PPP1R13B: variants seen among roughly 807,000 people sequenced by gnomAD.
The protein encoded by PPP1R13B is apoptosis-stimulating of p53 protein 1.
Under a neutral mutation model 119.8 loss-of-function variants are expected in PPP1R13B, and 44 were observed. The ratio of observed to expected loss-of-function variants is 0.37; its 90% CI spans 0.29 to 0.47. The LOEUF is 0.47. Among genes scored for constraint, PPP1R13B ranks in the 20% least tolerant of loss-of-function variants. PPP1R13B has a pLI of 0.99. For synonymous variants in PPP1R13B, 542 were observed against 561.5 expected, an observed-to-expected ratio of 0.97 and a Z score of 0.49; for missense variants, 1,227 against 1,413.5, an observed-to-expected ratio of 0.87 and a Z score of 2.12.
chr14:103,767,727 C>T lies in PPP1R13B; in HGVS notation c.355-9976G>A, dbSNP rs556816041. On this transcript the variant is annotated intron_variant, in intron 4 of 16. Coordinates refer to ENST00000202556, the MANE Select transcript of PPP1R13B (RefSeq NM_015316.3). Reference sequence around the variant, plus strand: ...TCAGTGTCTCCTCCCCCTTGCCTGTCCCTACACTTCATGCTGCACAGTCCT... The same window carrying T: ...TCAGTGTCTCCTCCCCCTTGCCTGTTCCTACACTTCATGCTGCACAGTCCT... Among the ~76,000 whole-genome samples the T allele has an allele frequency of 2.6e-5, 4 of 152,280 alleles. 1 individual carries two copies. Among genetic ancestry groups the T allele is most frequent in the African/African-American group, 9.6e-5 (4 of 41,558 alleles).
In PPP1R13B at chr14:103,742,536, G is replaced by C. The variant is rs964191922; in HGVS notation, c.1320+118C>G. Reference sequence around the variant, plus strand: ...CCCTCTAGGACTTTGGGTGTTGTCTGGACAATAACAGGATTAACTTGCCTC... The same window carrying C: ...CCCTCTAGGACTTTGGGTGTTGTCTCGACAATAACAGGATTAACTTGCCTC... On this transcript the variant is annotated intron_variant, in intron 10 of 16. Coordinates refer to ENST00000202556, the MANE Select transcript of PPP1R13B (RefSeq NM_015316.3). This position sits in a 1 kb window ranked among gnomAD's most constrained non-coding sequence, Gnocchi z 4.9. 16 of 1,406,644 alleles carry C rather than the reference G, an allele frequency of 1.1e-5. No individual in the cohort carries two copies. The South Asian group carries it at 2.2e-4, about 19-fold the overall frequency. 87.1% of individuals were successfully genotyped at this position (1,406,644 alleles called of 1,614,324 possible). A position where few individuals can be genotyped will look rare whatever the true frequency, so the allele number is the denominator to read the frequency against.
rs2084024932 is a variant in PPP1R13B at position 103,734,083 on chromosome 14, A to T, written c.*1071T>A. 1 of 180,360 alleles carries T rather than the reference A, an allele frequency of 5.5e-6. No individual in the cohort carries two copies. Among genetic ancestry groups the T allele is most frequent in the African/African-American group, 2.3e-5 (1 of 43,036 alleles). The allele number at this position is 180,360 out of a possible 1,614,324, so 11.2% of individuals were successfully genotyped here. A position where few individuals can be genotyped will look rare whatever the true frequency, so the allele number is the denominator to read the frequency against. The stretch of plus-strand genomic sequence containing the variant: ...TTTGGTATATAAAAAGCCTGTACGT[A>T]CAATTCACACCTCAGTGAAGCGCCC... On this transcript the variant is annotated 3_prime_UTR_variant, in exon 17 of 17. Transcript: ENST00000202556.
Position 103,847,442 on chromosome 14 carries a change from C to T in PPP1R13B, c.-135G>A. The T allele has an allele frequency of 9.9e-7, 1 of 1,008,574 alleles. No individual in the cohort carries two copies. Among genetic ancestry groups the T allele is most frequent in the Non-Finnish European group, 1.2e-6 (1 of 846,520 alleles). The allele number at this position is 1,008,574 out of a possible 1,614,324, so 62.5% of individuals were successfully genotyped here. ...CTCCGGCCCGGCCGCGGCGAGGCGG[C>T]AGCTGCGGCGGGCTGCGGGGCTCTC... is the stretch of plus-strand genomic sequence containing the variant. On this transcript the variant is annotated 5_prime_UTR_variant, in exon 1 of 17. Coordinates refer to ENST00000202556, the MANE Select transcript of PPP1R13B (RefSeq NM_015316.3).
chr14:103,813,785 C>T (rs1303456199), intron 1 of PPP1R13B, among the ~76,000 whole-genome samples: 4 of 152,048 alleles, frequency 2.6e-5, no homozygotes, highest in Admixed American at 2.6e-4. Context: ...AACTGAGTCA[C>T]CTTGTAAAAG....
intron 4 of PPP1R13B, among the ~76,000 whole-genome samples, chr14:103,774,295 A>G (rs1049255597): frequency 6.6e-6 from 1 of 152,132 alleles, no homozygotes; most frequent in Non-Finnish European, 1.5e-5. Flanking sequence ...CTTGGCTGAG[A>G]AGACAGGAAA....
At chr14:103,769,668 T>A (rs1376378898) in intron 4 of PPP1R13B, among the ~76,000 whole-genome samples, 1 of 152,242 alleles carries the variant, frequency 6.6e-6, no homozygotes, top group Non-Finnish European at 1.5e-5. Flanking sequence ...TCACGTAATA[T>A]TCATCAGTAT....
At chr14:103,845,370 A>G (rs779628570) in intron 1 of PPP1R13B, among the ~76,000 whole-genome samples, 3 of 152,248 alleles carry the variant, frequency 2.0e-5, no homozygotes, top group Non-Finnish European at 4.4e-5. Flanking sequence ...AAAAGGAAAT[A>G]CAAAAGTAAA....
At chr14:103,784,604 A>G (rs2085411751) in intron 3 of PPP1R13B, among the ~76,000 whole-genome samples, 191 bp downstream of exon 3, 1 of 114,760 alleles carries the variant, frequency 8.7e-6, no homozygotes, top group East Asian at 2.3e-4. Context: ...AAAAAAAAAA[A>G]AAAAAAAAAA....
At chr14:103,817,031 T>TATA (rs1030878791) in intron 1 of PPP1R13B, among the ~76,000 whole-genome samples, 20 of 152,228 alleles carry the variant, frequency 1.3e-4, no homozygotes, top group African/African-American at 4.6e-4. Flanking sequence ...TTGCTTATAA[T>TATA]GCTCAGAGTT....
At position 103,738,644 on chromosome 14, in the gene PPP1R13B, TA is replaced by T. The variant is rs750387994; in HGVS notation, c.2864+34del. 8 of 1,609,636 alleles carry T rather than the reference TA, an allele frequency of 5.0e-6. No homozygotes were observed. Among genetic ancestry groups the T allele is most frequent in the South Asian group, 1.1e-5 (1 of 90,894 alleles). On this transcript the variant is annotated intron_variant, in intron 14 of 16. Coordinates refer to ENST00000202556, the MANE Select transcript of PPP1R13B (RefSeq NM_015316.3). This position sits in a 1 kb window ranked among gnomAD's most constrained non-coding sequence, Gnocchi z 5.6. ...TTTTCCTTATGCAAAGCAGGGAAAG[TA>T]AATCTGTCCACCCCACACTCCTACG...
At chr14:103,816,686 A>AG (rs2086290105) in intron 1 of PPP1R13B, among the ~76,000 whole-genome samples, 1 of 151,900 alleles carries the variant, frequency 6.6e-6, no homozygotes, top group East Asian at 2.0e-4. Context: ...AAAAAAAAAA[A>AG]ATTATTTCCT....
chr14:103,744,964 C>T (rs924138349), intron 9 of PPP1R13B, among the ~76,000 whole-genome samples: 1 of 152,236 alleles, frequency 6.6e-6, no homozygotes, highest in Non-Finnish European at 1.5e-5. Context: ...GGAGACATTT[C>T]TCACCTTGGG....
chr14:103,821,709 C>T (rs918405267), intron 1 of PPP1R13B, among the ~76,000 whole-genome samples: 2 of 151,946 alleles, frequency 1.3e-5, no homozygotes, highest in Non-Finnish European at 2.9e-5. Context: ...TGAGATTGCG[C>T]CATTGCACTC....
At chr14:103,785,541 C>T (rs1409287794) in intron 2 of PPP1R13B, among the ~76,000 whole-genome samples, 1 of 102,030 alleles carries the variant, frequency 9.8e-6, no homozygotes, top group Non-Finnish European at 1.9e-5. Context: ...TTTTTTGAGA[C>T]AGAGTTTTGC....
chr14:103,783,174 C>T (rs1270790414), intron 3 of PPP1R13B, among the ~76,000 whole-genome samples: 2 of 151,894 alleles, frequency 1.3e-5, no homozygotes, highest in Non-Finnish European at 2.9e-5. Flanking sequence ...GCAATATGAG[C>T]TACAAATGCT....
At chr14:103,830,426 T>C (rs2086641990) in intron 1 of PPP1R13B, among the ~76,000 whole-genome samples, 1 of 152,130 alleles carries the variant, frequency 6.6e-6, no homozygotes, top group Admixed American at 6.6e-5. Context: ...TAACAACTCA[T>C]TTAAAACTCG....
chr14:103,735,922 C>G, intron 16 of PPP1R13B, 81 bp downstream of exon 16: 1 of 1,484,484 alleles, frequency 6.7e-7, no homozygotes, highest in Non-Finnish European at 9.2e-7. Context: ...GCCTCCCTCC[C>G]CAGCCCCACA....
intron 5 of PPP1R13B, 66 bp downstream of exon 5, chr14:103,757,584 G>T: frequency 2.8e-6 from 4 of 1,432,286 alleles, no homozygotes; most frequent in Non-Finnish European, 2.9e-6. Context: ...ATTAACCCCA[G>T]TCTAAAATGA....
chr14:103,749,664 G>A, intron 8 of PPP1R13B, 130 bp downstream of exon 8: 1 of 941,668 alleles, frequency 1.1e-6, no homozygotes, highest in South Asian at 1.8e-5. Context: ...TGTCATTTTT[G>A]ATGGTTTATG....
Sources: allele counts gnomAD v4.1 joint callset (sites outside exome capture counted in the v4.1 genomes callset), GRCh38; gene constraint gnomAD v4.1.1; non-coding constraint Gnocchi (gnomAD v3.1); transcripts MANE v1.5; gene names NCBI Gene and HGNC (gene_info 2026-07-23, HGNC 2026-07-21).